The following CR1L variants were observed in gnomAD, a reference collection of about 807,000 sequenced individuals.
The protein encoded by CR1L is complement component receptor 1-like protein.
Under a neutral mutation model 62.3 loss-of-function variants are expected in CR1L, and 59 were observed. That is an observed-to-expected ratio of 0.95 (90% CI 0.77 to 1.18). The LOEUF (loss-of-function observed/expected upper bound fraction) is 1.18, where lower values mean the gene tolerates loss of function less well. Ranked by LOEUF, CR1L falls within the 50% of genes most tolerant of loss-of-function variation. CR1L has a pLI of 0.00. For missense variants in CR1L, 700 were observed against 702.8 expected (o/e 1.00, Z 0.04); for synonymous variants, 279 against 248.7 (o/e 1.12, Z -1.15).
At chr1:207,684,737 A>G (rs1663873284) in intron 4 of CR1L, among the ~76,000 whole-genome samples, 2 of 152,160 alleles carry the variant, frequency 1.3e-5, no homozygotes, top group African/African-American at 4.8e-5. Flanking sequence ...AAAAAGAATC[A>G]GATGAACGGC....
chr1:207,666,833 A>G (rs1663531136), intron 1 of CR1L, among the ~76,000 whole-genome samples: 1 of 152,224 alleles, frequency 6.6e-6, no homozygotes, highest in South Asian at 2.1e-4. Context: ...AAACCTGCAC[A>G]TGTACCCCTA....
Position 207,674,308 on chromosome 1 carries a change from A to G in CR1L, c.98-3081A>G, listed in dbSNP as rs548959089. The stretch of plus-strand genomic sequence containing the variant: ...TCACAGGGCATATATATAAGTAATC[A>G]AATTGTACACTTTAAATACTCATCA... On this transcript the variant is annotated intron_variant, in intron 1 of 11. Transcript: ENST00000508064. Among the ~76,000 whole-genome samples, 4 of 152,330 alleles carry G rather than the reference A, an allele frequency of 2.6e-5. No individual in the cohort carries two copies. The South Asian group carries it at 8.3e-4, about 32-fold the overall frequency.
At chr1:207,697,280 G>T (rs1299360230) in intron 5 of CR1L, among the ~76,000 whole-genome samples, 1 of 152,160 alleles carries the variant, frequency 6.6e-6, no homozygotes, top group Non-Finnish European at 1.5e-5. Context: ...ATGAATTGGG[G>T]ATACCTCTGT....
In CR1L at chr1:207,678,993, GT is replaced by G. The variant is rs1184093451; in HGVS notation, c.377+698del. On this transcript the variant is annotated intron_variant, in intron 3 of 11. Transcript: ENST00000508064. ...TTATCTGTGCATGTCTGTGTCCAAA[GT>G]TCTTTTTTTTTTTTTTTTTTGAGAT... Among the ~76,000 whole-genome samples the G allele has an allele frequency of 2.4e-5, 3 of 127,656 alleles. No homozygotes were observed. The East Asian group carries it at 7.8e-4, about 33-fold the overall frequency. 83.7% of individuals were successfully genotyped at this position (127,656 alleles called of 152,430 possible). A position where few individuals can be genotyped will look rare whatever the true frequency, so the allele number is the denominator to read the frequency against.
At chr1:207,708,877 G>A (rs149481818) in intron 10 of CR1L, 8 of 403,898 alleles carry the variant, frequency 2.0e-5, no homozygotes, top group South Asian at 1.3e-4. Flanking sequence ...TTGTAGAAGG[G>A]CAATATACTG....
In CR1L at chr1:207,672,174, A is replaced by C. The variant is rs550646339; in HGVS notation, c.98-5215A>C. Among the ~76,000 whole-genome samples the C allele has an allele frequency of 1.5e-4, 22 of 150,848 alleles. 1 individual carries two copies. Among genetic ancestry groups the C allele is most frequent in the Admixed American group, 7.2e-4 (11 of 15,256 alleles). On this transcript the variant is annotated intron_variant, in intron 1 of 11. Transcript: ENST00000508064. ...TTTTAAATATAGACAATATATATTAAAAGTAAATGGGTAAAGATATACCAT... is the reference window on the plus strand; with the variant it reads ...TTTTAAATATAGACAATATATATTACAAGTAAATGGGTAAAGATATACCAT...
At chr1:207,692,294 G>T (rs777347672) in intron 4 of CR1L, among the ~76,000 whole-genome samples, 4 of 152,106 alleles carry the variant, frequency 2.6e-5, no homozygotes, top group South Asian at 2.1e-4. Context: ...TATTTACACC[G>T]TAGTGAATTC....
intron 9 of CR1L, among the ~76,000 whole-genome samples, chr1:207,702,522 G>A (rs1664209926): frequency 1.3e-5 from 2 of 152,194 alleles, no homozygotes; most frequent in Admixed American, 6.5e-5. Context: ...GCCAAGACAG[G>A]CCAAAAGTCA....
chr1:207,697,732 A>G (rs1457054697), intron 6 of CR1L, 39 bp from the exon 7 acceptor site: 1 of 1,613,920 alleles, frequency 6.2e-7, no homozygotes, highest in Non-Finnish European at 8.5e-7. Context: ...TTTATTCTCC[A>G]CATGCCAGTT....
intron 1 of CR1L, among the ~76,000 whole-genome samples, chr1:207,661,390 A>G (rs905729439): frequency 2.6e-5 from 4 of 152,170 alleles, no homozygotes; most frequent in African/African-American, 9.7e-5. Flanking sequence ...TCCCTTTATC[A>G]TTATGTAATG....
intron 8 of CR1L, among the ~76,000 whole-genome samples, chr1:207,700,442 G>A (rs186326634): frequency 4.3e-4 from 65 of 152,244 alleles, no homozygotes; most frequent in African/African-American, 1.4e-3. Context: ...AATGAAAAAT[G>A]CCAATTAGAA....
rs1664340628 is a variant in CR1L at position 207,710,628 on chromosome 1, A to C, written c.1414+2365A>C. On this transcript the variant is annotated intron_variant, in intron 10 of 11. Coordinates refer to ENST00000508064, the MANE Select transcript of CR1L (RefSeq NM_175710.2). ...AAATGCACACCTCCAAATGTGGAAA[A>C]TGGAATATTGGTGTCTGACAACAGA... 8 of 1,610,064 alleles carry C rather than the reference A, an allele frequency of 5.0e-6. No homozygotes were observed. The South Asian group carries it at 8.8e-5, about 18-fold the overall frequency.
chr1:207,670,695 A>G (rs1209141831), intron 1 of CR1L, among the ~76,000 whole-genome samples: 2 of 151,078 alleles, frequency 1.3e-5, no homozygotes, highest in East Asian at 3.9e-4. Flanking sequence ...TTCCCCCAAG[A>G]GTTGTTATTA....
rs752389581 is a variant in CR1L, at chr1:207,717,603, G to A, written c.1554G>A (p.Gly518=). Residue 518 remains glycine, a synonymous_variant, in exon 11 of 12, where the codon GGG becomes GGA. Transcript: ENST00000508064. ...GAGGGATGACCTTCAACCTCATTGGGGAGAGCACCATCCGCCGCACAAGTG... is the reference window on the plus strand; with the variant it reads ...GAGGGATGACCTTCAACCTCATTGGAGAGAGCACCATCCGCCGCACAAGTG... ...PDRGMTFNLI[G]ESTIRRTSEP... 11 of 1,613,944 alleles carry A rather than the reference G, an allele frequency of 6.8e-6. No homozygotes were observed. Among genetic ancestry groups the A allele is most frequent in the Non-Finnish European group, 9.3e-6 (11 of 1,179,868 alleles).
chr1:207,650,550 A>G (rs555641252), intron 1 of CR1L, among the ~76,000 whole-genome samples: 1 of 152,274 alleles, frequency 6.6e-6, no homozygotes, highest in African/African-American at 2.4e-5. Context: ...AATAAAATTG[A>G]AATATGTAGA....
intron 7 of CR1L, 87 bp from the exon 8 acceptor site, chr1:207,699,102 C>A: frequency 4.4e-6 from 7 of 1,575,978 alleles, no homozygotes; most frequent in South Asian, 4.4e-5. Context: ...TCCTCAAAAT[C>A]CTGAAATTGG....
rs529897154 is a variant in CR1L, at chr1:207,677,412, CT to C, written c.123del (p.Pro42HisfsTer8). ...AGATCAATGCAATGTCCCGGAATGG[CT>C]TCCATTTGCCAGGCCTACCAACCTA... ...FSDQCNVPEW[L>X]PFARPTNLTD... On this transcript the variant is annotated frameshift_variant, in exon 2 of 12. Transcript: ENST00000508064. LOFTEE classifies it high-confidence loss of function. 3.9e-4 allele frequency: 635 copies of C among 1,610,064 alleles called. 5 individuals are homozygous for C. The African/African-American group carries it at 7.5e-3, about 19-fold the overall frequency.
chr1:207,704,086 A>G (rs1186788571), intron 9 of CR1L, among the ~76,000 whole-genome samples: 2 of 152,270 alleles, frequency 1.3e-5, no homozygotes, highest in Non-Finnish European at 2.9e-5. Context: ...ATCATTCTAC[A>G]TACTGTTAAG....
intron 1 of CR1L, among the ~76,000 whole-genome samples, chr1:207,670,072 A>T (rs1663587339): frequency 6.6e-6 from 1 of 151,004 alleles, no homozygotes. Flanking sequence ...AAGCCTGTCG[A>T]GTATCTAACA....
Sources: allele counts gnomAD v4.1 joint callset (sites outside exome capture counted in the v4.1 genomes callset), GRCh38; gene constraint gnomAD v4.1.1; transcripts MANE v1.5; gene names NCBI Gene and HGNC (gene_info 2026-07-23, HGNC 2026-07-21).